The following SH3KBP1 variants were observed in gnomAD, a reference collection of about 807,000 sequenced individuals.
SH3KBP1 encodes SH3 domain-containing kinase-binding protein 1.
Under a neutral mutation model 50.1 loss-of-function variants are expected in SH3KBP1, and 8 were observed. The ratio of observed to expected loss-of-function variants is 0.16; its 90% CI spans 0.09 to 0.29. SH3KBP1 has a LOEUF of 0.29. SH3KBP1 is among the 10% of genes least tolerant of loss of function. SH3KBP1 has a pLI of 1.00. For missense variants in SH3KBP1, 377 were observed against 535.2 expected (o/e 0.70, Z 2.92); for synonymous variants, 227 against 218.6 (o/e 1.04, Z -0.34).
chrX:19,539,919 C>A (rs755015531), intron 16 of SH3KBP1, among the ~76,000 whole-genome samples: 1 of 111,840 alleles, frequency 8.9e-6, no homozygotes, highest in East Asian at 2.8e-4. Flanking sequence ...TATTTGCAGG[C>A]TTCACAGTGG....
intron 2 of SH3KBP1, among the ~76,000 whole-genome samples, chrX:19,771,839 G>A (rs1051930581): frequency 5.0e-5 from 5 of 99,025 alleles, no homozygotes; most frequent in Non-Finnish European, 1.0e-4. Context: ...ACTCCTGCCT[G>A]GGCGACAAAA....
intron 6 of SH3KBP1, among the ~76,000 whole-genome samples, chrX:19,657,549 G>A (rs1399734751): frequency 9.2e-6 from 1 of 109,199 alleles, no homozygotes; most frequent in East Asian, 2.9e-4. Context: ...CCAACATGGT[G>A]AAACCCTGTC....
intron 5 of SH3KBP1, among the ~76,000 whole-genome samples, chrX:19,691,362 A>C (rs2063288558): frequency 1.0e-5 from 1 of 97,379 alleles, no homozygotes; most frequent in Admixed American, 1.2e-4. Context: ...CTCTCTATAT[A>C]TATATATATC....
At chrX:19,717,218 T>C (rs1385149275) in intron 3 of SH3KBP1, among the ~76,000 whole-genome samples, 1 of 111,759 alleles carries the variant, frequency 8.9e-6, no homozygotes, top group Non-Finnish European at 1.9e-5. Flanking sequence ...TTGCCTCCTT[T>C]GGGGGCCAAT....
intron 14 of SH3KBP1, among the ~76,000 whole-genome samples, chrX:19,548,881 G>C (rs2065162614): frequency 9.0e-6 from 1 of 110,960 alleles, no homozygotes; most frequent in Non-Finnish European, 1.9e-5. Context: ...CTTGTGGAAG[G>C]TGAGCTTGGA....
intron 1 of SH3KBP1, among the ~76,000 whole-genome samples, chrX:19,883,052 G>T (rs780466547): frequency 1.5e-4 from 17 of 112,287 alleles, no homozygotes; most frequent in Non-Finnish European, 3.0e-4. Context: ...GTACCCCAGT[G>T]AACCACGAGC....
intron 2 of SH3KBP1, among the ~76,000 whole-genome samples, chrX:19,793,313 A>AATATATATATAT (rs777838672): frequency 9.3e-5 from 9 of 96,983 alleles, no homozygotes; most frequent in African/African-American, 3.5e-4. Flanking sequence ...AGGAAAAAAA[A>AATATATATATAT]ATATATATAT....
At chrX:19,774,656 AAGAAAGAAAGAAAGAAAGAAAGAAAG>A (rs2065909043) in intron 2 of SH3KBP1, among the ~76,000 whole-genome samples, 2 of 31,231 alleles carry the variant, frequency 6.4e-5, no homozygotes, top group Admixed American at 2.5e-4. Flanking sequence ...CTCAAAAAAA[AAGAAAGAAAGAAAGAAAGAAAGAAAG>A]AAAGAAAGAA....
chrX:19,565,607 G>A lies in SH3KBP1; in HGVS notation c.1384+3496C>T, dbSNP rs182053226. Among the ~76,000 whole-genome samples the A allele has an allele frequency of 1.1e-4, 12 of 111,557 alleles. No individual in the cohort carries two copies. The East Asian group carries it at 3.4e-3, about 31-fold the overall frequency. On this transcript the variant is annotated intron_variant, in intron 13 of 17. Coordinates refer to ENST00000397821, the MANE Select transcript of SH3KBP1 (RefSeq NM_031892.3). ...AACCTCAGGACGATGGAAGAGGGGA[G>A]ATGAAGGGGGAGGGTTTGTTCTCCA...
intron 2 of SH3KBP1, among the ~76,000 whole-genome samples, chrX:19,768,486 C>T (rs1454472593): frequency 3.1e-5 from 3 of 97,210 alleles, no homozygotes; most frequent in Non-Finnish European, 6.2e-5. Context: ...GCCACTGACT[C>T]AGCCACACAA....
At chrX:19,702,694 G>C (rs1227118505) in intron 4 of SH3KBP1, among the ~76,000 whole-genome samples, 1 of 110,414 alleles carries the variant, frequency 9.1e-6, no homozygotes, top group Non-Finnish European at 1.9e-5. Context: ...CAACAACAAT[G>C]ACAAAAACAC....
chrX:19,683,822 C>A lies in SH3KBP1; in HGVS notation c.726+1G>T, dbSNP rs1569417140. 1 of 1,203,638 alleles carries A rather than the reference C, an allele frequency of 8.3e-7. No homozygotes were observed. Among genetic ancestry groups the A allele is most frequent in the Admixed American group, 2.2e-5 (1 of 46,073 alleles). The stretch of plus-strand genomic sequence containing the variant: ...AATCAAATAGAAACTGTCGAACATA[C>A]CTTTTCTACCGGCAGAAAGTCATTT... On this transcript the variant is annotated splice_donor_variant, in intron 6 of 17. Coordinates refer to ENST00000397821, the MANE Select transcript of SH3KBP1 (RefSeq NM_031892.3). LOFTEE classifies it high-confidence loss of function.
chrX:19,537,591 G>T, intron 17 of SH3KBP1, 126 bp downstream of exon 17: 1 of 568,325 alleles, frequency 1.8e-6, no homozygotes, highest in South Asian at 2.9e-5. Context: ...CTAAGAAGAT[G>T]GTCACAGGAA....
rs188543736 is a variant in SH3KBP1 at position 19,626,943 on chromosome X, G to A, written c.897+4921C>T. Among the ~76,000 whole-genome samples the A allele has an allele frequency of 2.8e-3, 314 of 111,264 alleles. 3 individuals are homozygous for A. Among genetic ancestry groups the A allele is most frequent in the African/African-American group, 9.5e-3 (290 of 30,625 alleles). ...ATTAATGCTAGCTAATATTGCTTCC[G>A]TTCCCTTCCCTCCATCTCTACGACT... On this transcript the variant is annotated intron_variant, in intron 8 of 17. Coordinates refer to ENST00000397821, the MANE Select transcript of SH3KBP1 (RefSeq NM_031892.3).
intron 14 of SH3KBP1, among the ~76,000 whole-genome samples, chrX:19,547,016 G>A (rs2147610223): frequency 9.0e-6 from 1 of 110,743 alleles, no homozygotes; most frequent in African/African-American, 3.3e-5. Context: ...GCCAGGCATG[G>A]TGGTGTGCAC....
chrX:19,705,030 C>T (rs1274260331), intron 4 of SH3KBP1, among the ~76,000 whole-genome samples: 1 of 112,227 alleles, frequency 8.9e-6, no homozygotes, highest in Admixed American at 9.5e-5. Flanking sequence ...ATAATACAGA[C>T]ATACAAATTC....
At chrX:19,823,919 T>A (rs1444263575) in intron 2 of SH3KBP1, among the ~76,000 whole-genome samples, 1 of 111,828 alleles carries the variant, frequency 8.9e-6, no homozygotes, top group Non-Finnish European at 1.9e-5. Flanking sequence ...CCTCCCAGGT[T>A]CAAGCGATTT....
chrX:19,887,312 G>A lies in SH3KBP1; in HGVS notation c.-2C>T. 1 of 981,653 alleles carries A rather than the reference G, an allele frequency of 1.0e-6. No homozygotes were observed. The allele number at this position is 981,653 out of a possible 1,213,427, so 80.9% of individuals were successfully genotyped here. A position where few individuals can be genotyped will look rare whatever the true frequency, so the allele number is the denominator to read the frequency against. ...CGCGGGCGGCCCCCACTCACCCATT[G>A]GCGTCGAGCCGGGCCGGGCCGCCGA... On this transcript the variant is annotated 5_prime_UTR_variant, in exon 1 of 18. Transcript: ENST00000397821.
chrX:19,782,918 C>A (rs2066224708), intron 2 of SH3KBP1, among the ~76,000 whole-genome samples: 1 of 111,188 alleles, frequency 9.0e-6, no homozygotes, highest in African/African-American at 3.3e-5. Context: ...CCAGCCTGGG[C>A]AACATGGCGA....
Sources: allele counts gnomAD v4.1 joint callset (sites outside exome capture counted in the v4.1 genomes callset), GRCh38; gene constraint gnomAD v4.1.1; transcripts MANE v1.5; gene names NCBI Gene and HGNC (gene_info 2026-07-23, HGNC 2026-07-21).